Variants in CFAP299 observed in about 807,000 individuals in gnomAD.
The protein encoded by CFAP299 is cilia and flagella associated protein 299, also known as cilia- and flagella-associated protein 299.
A neutral mutation model predicts 27.0 loss-of-function variants in CFAP299; 21 were observed. That is an observed-to-expected ratio of 0.78 (90% CI 0.55 to 1.12). The LOEUF is 1.12. CFAP299 is among the 50% of genes most tolerant of loss of function. CFAP299 has a pLI of 0.00. For synonymous variants in CFAP299, 104 were observed against 98.1 expected (o/e 1.06, Z -0.36); for missense variants, 310 against 276.6 (o/e 1.12, Z -0.86).
At chr4:80,562,398 G>C (rs1274019237) in intron 2 of CFAP299, among the ~76,000 whole-genome samples, 1 of 152,004 alleles carries the variant, frequency 6.6e-6, no homozygotes, top group Non-Finnish European at 1.5e-5. Flanking sequence ...AAGAGTTCGA[G>C]ACTAGCCTGT....
rs376224927 is a variant in CFAP299 at position 80,494,650 on chromosome 4, T to G, written c.243-88443T>G. On this transcript the variant is annotated intron_variant, in intron 2 of 5. Transcript: ENST00000358105. ...TAACTATGATTTCTTTTCCCTCTAC[T>G]TAGATTGTTCTGTGGCACGTTCTAT... 3.5e-4 allele frequency among the ~76,000 whole-genome samples: 53 copies of G among 152,320 alleles called. No homozygotes were observed. The South Asian group carries it at 0.011, about 31-fold the overall frequency.
intron 2 of CFAP299, among the ~76,000 whole-genome samples, chr4:80,527,265 T>G (rs1439669647): frequency 3.3e-5 from 5 of 152,076 alleles, no homozygotes; most frequent in African/African-American, 1.2e-4. Flanking sequence ...ACAGAAACAT[T>G]TGTTCTTGTG....
chr4:80,692,781 T>A lies in CFAP299; in HGVS notation c.333+109598T>A, dbSNP rs576923165. Among the ~76,000 whole-genome samples the A allele has an allele frequency of 3.3e-5, 5 of 152,118 alleles. No individual in the cohort carries two copies. The East Asian group carries it at 9.7e-4, about 29-fold the overall frequency. Reference sequence around the variant, plus strand: ...GGCAACCAACAAAATGGGAGAAAATTTTCGCAACCTACTCATCTGACAAAG... The same window carrying A: ...GGCAACCAACAAAATGGGAGAAAATATTCGCAACCTACTCATCTGACAAAG... On this transcript the variant is annotated intron_variant, in intron 3 of 5. Transcript: ENST00000358105.
chr4:80,853,183 A>G (rs1265433849), intron 3 of CFAP299, among the ~76,000 whole-genome samples: 1 of 152,074 alleles, frequency 6.6e-6, no homozygotes, highest in Non-Finnish European at 1.5e-5. Flanking sequence ...GGTACCTGCC[A>G]TCACATCCAG....
intron 3 of CFAP299, among the ~76,000 whole-genome samples, chr4:80,689,038 T>A (rs953876808): frequency 4.6e-5 from 7 of 152,140 alleles, no homozygotes; most frequent in African/African-American, 1.7e-4. Context: ...AATATGGGAC[T>A]ATGTGAAAAG....
intron 1 of CFAP299, among the ~76,000 whole-genome samples, chr4:80,362,133 A>G (rs565905961): frequency 4.0e-5 from 6 of 150,220 alleles, no homozygotes; most frequent in African/African-American, 1.5e-4. Context: ...TTTTTTTTCA[A>G]TTTGAAATTT....
intron 3 of CFAP299, among the ~76,000 whole-genome samples, chr4:80,739,810 C>T (rs1448220241): frequency 6.6e-6 from 1 of 151,960 alleles, no homozygotes. Context: ...GCCAGGAACT[C>T]TTAGATTTGC....
chr4:80,799,901 T>TTA (rs1239804405), intron 3 of CFAP299, among the ~76,000 whole-genome samples: 3 of 38,186 alleles, frequency 7.9e-5, no homozygotes, highest in East Asian at 1.1e-3. Context: ...AAATTATATA[T>TTA]TATAATATAA....
chr4:80,364,118 A>ACACACACACACACACACACACACG (rs1723700197), intron 2 of CFAP299, among the ~76,000 whole-genome samples: 1 of 151,254 alleles, frequency 6.6e-6, no homozygotes, highest in East Asian at 1.9e-4. Flanking sequence ...ACACACACAC[A>ACACACACACACACACACACACACG]TTTCTTTGTT....
intron 1 of CFAP299, among the ~76,000 whole-genome samples, chr4:80,359,844 G>A (rs1474986692): frequency 2.0e-5 from 3 of 152,098 alleles, no homozygotes; most frequent in Admixed American, 6.5e-5. Flanking sequence ...TCTCAGTCCT[G>A]TTCACAACCC....
intron 3 of CFAP299, among the ~76,000 whole-genome samples, chr4:80,757,457 A>G (rs1725299318): frequency 6.6e-6 from 1 of 152,150 alleles, no homozygotes; most frequent in Non-Finnish European, 1.5e-5. Flanking sequence ...TATTATTTTT[A>G]CTTATATTTA....
At chr4:80,570,546 G>A (rs1339000851) in intron 2 of CFAP299, among the ~76,000 whole-genome samples, 1 of 151,988 alleles carries the variant, frequency 6.6e-6, no homozygotes, top group Non-Finnish European at 1.5e-5. Flanking sequence ...AGCACTCTGA[G>A]GTTGCTTAAC....
At chr4:80,588,365 AG>A (rs762567094) in intron 3 of CFAP299, among the ~76,000 whole-genome samples, 3 of 150,832 alleles carry the variant, frequency 2.0e-5, no homozygotes, top group Non-Finnish European at 2.9e-5. Context: ...CTAGAACTAC[AG>A]ATGCTAAAGC....
chr4:80,764,550 T>C (rs536371348), intron 3 of CFAP299, among the ~76,000 whole-genome samples: 10 of 152,290 alleles, frequency 6.6e-5, no homozygotes, highest in African/African-American at 2.4e-4. Context: ...TCCTCAAGGA[T>C]CTAGAACCAG....
chr4:80,890,870 T>A (rs1447913523), intron 4 of CFAP299, among the ~76,000 whole-genome samples: 3 of 140,958 alleles, frequency 2.1e-5, no homozygotes, highest in African/African-American at 8.0e-5. Context: ...TTTTGAGAAG[T>A]GTCTGTTCAT....
At chr4:80,887,171 G>A (rs1734013771) in intron 4 of CFAP299, among the ~76,000 whole-genome samples, 1 of 152,028 alleles carries the variant, frequency 6.6e-6, no homozygotes, top group African/African-American at 2.4e-5. Context: ...TTATTCAAAT[G>A]GATAATATCA....
intron 2 of CFAP299, among the ~76,000 whole-genome samples, chr4:80,477,830 C>G (rs1423211843): frequency 6.6e-6 from 1 of 152,146 alleles, no homozygotes; most frequent in African/African-American, 2.4e-5. Context: ...CTTACTTGCT[C>G]CTACATTTTG....
At position 80,370,030 on chromosome 4, in the gene CFAP299, C is replaced by T. The variant is rs372218313; in HGVS notation, c.242+7146C>T. Reference sequence around the variant, plus strand: ...AAAGAGGTTTAATTGGTTCATGATTCTGCAGGCTATACAGGAAGCATGGTG... The same window carrying T: ...AAAGAGGTTTAATTGGTTCATGATTTTGCAGGCTATACAGGAAGCATGGTG... On this transcript the variant is annotated intron_variant, in intron 2 of 5. Coordinates refer to ENST00000358105, the MANE Select transcript of CFAP299 (RefSeq NM_152770.3). Among the ~76,000 whole-genome samples the T allele has an allele frequency of 2.6e-4, 39 of 152,234 alleles. No individual in the cohort carries two copies. The South Asian group carries it at 5.8e-3, about 23-fold the overall frequency.
At chr4:80,368,411 T>C (rs1723951631) in intron 2 of CFAP299, among the ~76,000 whole-genome samples, 1 of 152,202 alleles carries the variant, frequency 6.6e-6, no homozygotes, top group Non-Finnish European at 1.5e-5. Context: ...TGCTATTCAA[T>C]CTAGTTAATT....
Sources: gnomAD v4.1 joint callset for allele counts (sites outside exome capture counted in the v4.1 genomes callset) on GRCh38, gnomAD v4.1.1 for gene constraint, MANE v1.5 for transcripts, NCBI Gene and HGNC (gene_info 2026-07-23, HGNC 2026-07-21) for gene names.